CFAP92: variants seen among roughly 807,000 people sequenced by gnomAD.
CFAP92 encodes the protein uncharacterized protein CFAP92.
A neutral mutation model predicts 106.3 loss-of-function variants in CFAP92; 86 were observed. The ratio of observed to expected loss-of-function variants is 0.81; its 90% CI spans 0.68 to 0.97. CFAP92 has a LOEUF of 0.97. Ranked by LOEUF, CFAP92 falls within the 50% of genes least tolerant of loss-of-function variation. The pLI is 0.00. For synonymous variants in CFAP92, 477 were observed against 506.4 expected, an observed-to-expected ratio of 0.94 and a Z score of 0.78; for missense variants, 1,204 against 1,283.8, an observed-to-expected ratio of 0.94 and a Z score of 0.95.
chr3:128,975,668 C>T lies in CFAP92; in HGVS notation c.1021+111G>A. ...ATACAGTACTCTTACTTTTGAGAAACATTTTGTCAAATATGCAAGAATCTC... is the reference window on the plus strand; with the variant it reads ...ATACAGTACTCTTACTTTTGAGAAATATTTTGTCAAATATGCAAGAATCTC... On this transcript the variant is annotated intron_variant, in intron 7 of 15. Transcript: ENST00000645291. The T allele has an allele frequency of 7.2e-6, 7 of 973,768 alleles. No individual in the cohort carries two copies. The South Asian group carries it at 9.2e-5, about 13-fold the overall frequency. 60.3% of individuals were successfully genotyped at this position (973,768 alleles called of 1,614,324 possible). A position where few individuals can be genotyped will look rare whatever the true frequency, so the allele number is the denominator to read the frequency against.
At chr3:128,912,402 T>C in intron 15 of CFAP92, 1 of 974,480 alleles carries the variant, frequency 1.0e-6, no homozygotes, top group Non-Finnish European at 1.6e-6. Flanking sequence ...TAGGGCTGCT[T>C]CATGGTGGGT....
chr3:128,988,672 A>G (rs1944014543), intron 3 of CFAP92, 56 bp downstream of exon 3: 6 of 1,560,368 alleles, frequency 3.8e-6, no homozygotes, highest in African/African-American at 1.4e-5. Flanking sequence ...GGAGCAGCAC[A>G]CTTTTCGTGA....
At chr3:128,941,580 G>A (rs1400601532) in intron 10 of CFAP92, among the ~76,000 whole-genome samples, 3 of 152,068 alleles carry the variant, frequency 2.0e-5, no homozygotes, top group East Asian at 1.9e-4. Flanking sequence ...GGGTTCAGGC[G>A]ATTCTCCTGC....
At chr3:128,914,796 T>G in intron 15 of CFAP92, 2 of 281,980 alleles carry the variant, frequency 7.1e-6, no homozygotes, top group Non-Finnish European at 1.4e-5. Context: ...AGATCAGTCA[T>G]GGGTAATAGT....
chr3:129,005,995 C>G (rs893689099), upstream of CFAP92, among the ~76,000 whole-genome samples: 2 of 152,248 alleles, frequency 1.3e-5, no homozygotes, highest in African/African-American at 4.8e-5. Flanking sequence ...CAAACATTGG[C>G]ATAGCCCTTT....
chr3:128,910,763 G>C lies in CFAP92; in HGVS notation c.3281-430C>G, dbSNP rs778558550. ...CAGGTTCTCTTGGCCAACACCTTCT[G>C]CGTGGAAGCTTACTTGCAGAATCTC... On this transcript the variant is annotated intron_variant, in intron 15 of 15. Coordinates refer to ENST00000645291, the MANE Select transcript of CFAP92 (RefSeq NM_001394090.1). 5 of 1,614,070 alleles carry C rather than the reference G, an allele frequency of 3.1e-6. No individual in the cohort carries two copies. In the Admixed American group the frequency reaches 8.3e-5, roughly 27 times the overall value.
At chr3:129,003,591 T>C (rs886555127), upstream of CFAP92, among the ~76,000 whole-genome samples, 12 of 151,980 alleles carry the variant, frequency 7.9e-5, no homozygotes, top group South Asian at 1.0e-3. Flanking sequence ...AATCAGAGCT[T>C]GGGCCTCCCT....
chr3:128,940,368 T>C (rs1464773481), intron 10 of CFAP92, among the ~76,000 whole-genome samples: 1 of 152,206 alleles, frequency 6.6e-6, no homozygotes, highest in African/African-American at 2.4e-5. Context: ...TCCTGGGTCA[T>C]ATGGGAACTC....
chr3:129,001,308 G>A (rs895200881), intron 1 of CFAP92, among the ~76,000 whole-genome samples: 2 of 152,182 alleles, frequency 1.3e-5, no homozygotes, highest in African/African-American at 2.4e-5. Context: ...AAGCGCAGAC[G>A]CCAGGAACGC....
In CFAP92 at chr3:128,956,994, A is replaced by AAAAAAAAAG. The variant is rs377096690; in HGVS notation, c.1353+8516_1353+8517insCTTTTTTTT. ...GACTCTCTCAAAAAAAAAAAAAAAA[A>AAAAAAAAAG]AAAGAAATCAACCCCATTCTATACC... On this transcript the variant is annotated intron_variant, in intron 9 of 15. Coordinates refer to ENST00000645291, the MANE Select transcript of CFAP92 (RefSeq NM_001394090.1). Among the ~76,000 whole-genome samples the AAAAAAAAAG allele has an allele frequency of 6.4e-4, 82 of 129,036 alleles. 3 individuals carry two copies. The highest frequency in any genetic ancestry group is 1.4e-3 in the South Asian group (6 of 4,228). 84.7% of individuals were successfully genotyped at this position (129,036 alleles called of 152,430 possible).
intron 8 of CFAP92, 60 bp downstream of exon 8, chr3:128,971,227 A>T: frequency 1.2e-6 from 2 of 1,611,438 alleles, no homozygotes; most frequent in Admixed American, 1.7e-5. Context: ...GCATCCGCTT[A>T]TGGCCGTTCT....
At chr3:129,022,895 G>A in the CFAP92 span, among the ~76,000 whole-genome samples, 1 of 152,246 alleles carries the variant, frequency 6.6e-6, no homozygotes, top group East Asian at 1.9e-4. Flanking sequence ...TTGGGCCTTT[G>A]CCATACTTTT....
upstream of CFAP92, among the ~76,000 whole-genome samples, chr3:128,995,603 C>G (rs947280524): frequency 6.6e-6 from 1 of 152,200 alleles, no homozygotes; most frequent in Non-Finnish European, 1.5e-5. Context: ...TCCCCAGGTC[C>G]TACCCACTGG....
Position 128,991,228 on chromosome 3 carries a change from G to C in CFAP92, c.262+1815C>G, listed in dbSNP as rs149136677. ...GTATTTGCCAGATGTCTTTTTCCAG[G>C]CTCTTTTGCTTTATAGCAATAGACC... On this transcript the variant is annotated intron_variant, in intron 2 of 15. Transcript: ENST00000645291. Among the ~76,000 whole-genome samples, 1,023 of 152,238 alleles carry C rather than the reference G, an allele frequency of 6.7e-3. 7 individuals carry two copies. The highest frequency in any genetic ancestry group is 0.012 in the Non-Finnish European group (791 of 68,006).
chr3:128,971,787 T>C (rs923034159), intron 7 of CFAP92, among the ~76,000 whole-genome samples: 20 of 152,304 alleles, frequency 1.3e-4, no homozygotes, highest in African/African-American at 4.8e-4. Context: ...CGGTGGGCTT[T>C]TTTAAGAGAC....
chr3:128,964,785 C>G (rs904556821), intron 9 of CFAP92, among the ~76,000 whole-genome samples: 1 of 152,078 alleles, frequency 6.6e-6, no homozygotes, highest in South Asian at 2.1e-4. Flanking sequence ...CACAAGACCT[C>G]CCTTCAGCTT....
rs754765549 is a variant in CFAP92, at chr3:128,945,582, C to G, written c.1747G>C (p.Ala583Pro). 433 of 1,535,968 alleles carry G rather than the reference C, an allele frequency of 2.8e-4. No homozygotes were observed. Among genetic ancestry groups the G allele is most frequent in the Non-Finnish European group, 3.7e-4 (421 of 1,146,920 alleles). Residue 583 changes from alanine to proline, a missense_variant, in exon 10 of 16, where the codon GCC (alanine) becomes CCC (proline). Physicochemically the swap from Ala to Pro is conservative, Grantham distance 27 (BLOSUM62 -1). Coordinates refer to ENST00000645291, the MANE Select transcript of CFAP92 (RefSeq NM_001394090.1). ...LLLGHKYLNL[A>P]VPIHSCEVQP... Reference sequence around the variant, plus strand: ...ACCTCACAGCTGTGGATGGGGACGGCCAGATTCAAGTACTTGTGGCCAAGG... The same window carrying G: ...ACCTCACAGCTGTGGATGGGGACGGGCAGATTCAAGTACTTGTGGCCAAGG...
At chr3:128,982,678 G>C (rs1943605295) in intron 4 of CFAP92, among the ~76,000 whole-genome samples, 1 of 152,330 alleles carries the variant, frequency 6.6e-6, no homozygotes, top group African/African-American at 2.4e-5. Flanking sequence ...TAAAGGGAGA[G>C]ATGTGCAAGG....
At chr3:128,982,118 T>G (rs994079046) in intron 4 of CFAP92, among the ~76,000 whole-genome samples, 2 of 152,232 alleles carry the variant, frequency 1.3e-5, no homozygotes, top group African/African-American at 4.8e-5. Context: ...TCTCTCTAGC[T>G]ATGAAAGTCC....
Sources: allele counts gnomAD v4.1 joint callset (sites outside exome capture counted in the v4.1 genomes callset), GRCh38; gene constraint gnomAD v4.1.1; transcripts MANE v1.5; gene names NCBI Gene and HGNC (gene_info 2026-07-23, HGNC 2026-07-21).